The following CRYBG1 variants were observed in gnomAD, a reference collection of about 807,000 sequenced individuals.
CRYBG1 encodes the protein crystallin beta-gamma domain containing 1.
CRYBG1 carries 139 observed loss-of-function variants against 189.2 expected under a neutral mutation model. The ratio of observed to expected loss-of-function variants is 0.73; its 90% CI spans 0.64 to 0.85. CRYBG1 has a LOEUF of 0.85. Ranked by LOEUF, CRYBG1 falls within the 40% of genes least tolerant of loss-of-function variation. The pLI is 0.00. For synonymous variants in CRYBG1, 1,023 were observed against 1,017.1 expected (o/e 1.01, Z -0.11); for missense variants, 2,611 against 2,675.8 (o/e 0.98, Z 0.53).
chr6:106,561,249 T>C lies in CRYBG1; in HGVS notation c.5980-93T>C. ...GAGTATGGTAATTACCCTTAATCCATATCTCACTTTGGATTCTTCCTGATA... is the reference window on the plus strand; with the variant it reads ...GAGTATGGTAATTACCCTTAATCCACATCTCACTTTGGATTCTTCCTGATA... On this transcript the variant is annotated intron_variant, in intron 19 of 21. Transcript: ENST00000633556. 3.0e-6 allele frequency: 4 copies of C among 1,334,308 alleles called. No homozygotes were observed. In the Admixed American group the frequency reaches 8.1e-5, roughly 27 times the overall value. 82.7% of individuals were successfully genotyped at this position (1,334,308 alleles called of 1,614,324 possible). A position where few individuals can be genotyped will look rare whatever the true frequency, so the allele number is the denominator to read the frequency against.
chr6:106,565,030 G>T (rs115132229), intron 21 of CRYBG1, among the ~76,000 whole-genome samples: 2 of 152,142 alleles, frequency 1.3e-5, no homozygotes, highest in Non-Finnish European at 2.9e-5. Context: ...TATGATGTAG[G>T]GGTAAAGAGC....
chr6:106,568,469 T>G lies in CRYBG1; in HGVS notation c.6302-3T>G. On this transcript the variant is annotated splice_polypyrimidine_tract_variant and splice_region_variant and intron_variant, in intron 21 of 21. Coordinates refer to ENST00000633556, the MANE Select transcript of CRYBG1 (RefSeq NM_001371242.2). ...CATCTTTTATTATTTTCCTTTCTTT[T>G]AGGGGGCACACAGTATGATCAAAAT... The G allele has an allele frequency of 6.2e-7, 1 of 1,610,564 alleles. No individual in the cohort carries two copies. Among genetic ancestry groups the G allele is most frequent in the East Asian group, 2.2e-5 (1 of 44,872 alleles).
chr6:106,447,576 A>ATATAT (rs1582767774), intron 1 of CRYBG1, among the ~76,000 whole-genome samples: 5 of 145,648 alleles, frequency 3.4e-5, no homozygotes, highest in East Asian at 2.0e-4. Flanking sequence ...ATATATATCT[A>ATATAT]CTATGTACCC....
intron 2 of CRYBG1, among the ~76,000 whole-genome samples, chr6:106,483,247 T>C (rs1772508186): frequency 6.6e-6 from 1 of 151,936 alleles, no homozygotes; most frequent in African/African-American, 2.4e-5. Flanking sequence ...GGTCATGTGA[T>C]ATTTGTCCTG....
At chr6:106,447,038 C>A (rs1210481639) in intron 1 of CRYBG1, among the ~76,000 whole-genome samples, 1 of 152,162 alleles carries the variant, frequency 6.6e-6, no homozygotes, top group East Asian at 1.9e-4. Flanking sequence ...AACTTTCACT[C>A]TGGCAGTATA....
At chr6:106,478,696 C>T (rs1166511607) in intron 2 of CRYBG1, among the ~76,000 whole-genome samples, 1 of 152,250 alleles carries the variant, frequency 6.6e-6, no homozygotes, top group East Asian at 1.9e-4. Flanking sequence ...GGCTGCACAG[C>T]AGGAGGTGAG....
At chr6:106,500,973 G>C (rs1053187067) in intron 2 of CRYBG1, among the ~76,000 whole-genome samples, 1 of 152,144 alleles carries the variant, frequency 6.6e-6, no homozygotes, top group East Asian at 1.9e-4. Context: ...ATACACTGTT[G>C]TCTGACTCTT....
chr6:106,405,428 C>A (rs1770802806), intron 1 of CRYBG1, among the ~76,000 whole-genome samples: 1 of 152,214 alleles, frequency 6.6e-6, no homozygotes, highest in South Asian at 2.1e-4. Context: ...GGACAGAGCA[C>A]TTGGGGGAAG....
chr6:106,395,135 C>T (rs574496881), intron 1 of CRYBG1, among the ~76,000 whole-genome samples: 2 of 151,730 alleles, frequency 1.3e-5, no homozygotes, highest in African/African-American at 4.8e-5. Context: ...TGGCTCATGC[C>T]TGTAATCCCA....
chr6:106,557,768 A>T (rs1016341955), intron 17 of CRYBG1, among the ~76,000 whole-genome samples: 1 of 152,212 alleles, frequency 6.6e-6, no homozygotes, highest in Non-Finnish European at 1.5e-5. Flanking sequence ...TTATGATCTT[A>T]GCAGTACTAT....
intron 2 of CRYBG1, among the ~76,000 whole-genome samples, chr6:106,500,967 A>G (rs531270878): frequency 7.9e-5 from 12 of 152,246 alleles, no homozygotes; most frequent in African/African-American, 2.9e-4. Flanking sequence ...TCCATGATAC[A>G]CTGTTGTCTG....
At chr6:106,372,955 A>G (rs542052168) in intron 1 of CRYBG1, among the ~76,000 whole-genome samples, 1 of 152,300 alleles carries the variant, frequency 6.6e-6, no homozygotes, top group South Asian at 2.1e-4. Flanking sequence ...ACCTCAAAAT[A>G]TTTTCACCAC....
At chr6:106,403,248 G>A (rs1023334231) in intron 1 of CRYBG1, among the ~76,000 whole-genome samples, 1 of 152,148 alleles carries the variant, frequency 6.6e-6, no homozygotes, top group African/African-American at 2.4e-5. Flanking sequence ...GAGGTGGGAG[G>A]ATTACTTGAG....
At chr6:106,439,789 G>A (rs1036521285) in intron 1 of CRYBG1, among the ~76,000 whole-genome samples, 1 of 151,784 alleles carries the variant, frequency 6.6e-6, no homozygotes, top group Non-Finnish European at 1.5e-5. Context: ...TATAGAGACA[G>A]AAGGTGATAT....
intron 7 of CRYBG1, 99 bp downstream of exon 7, chr6:106,527,569 CAT>C: frequency 7.2e-6 from 9 of 1,249,570 alleles, no homozygotes; most frequent in Non-Finnish European, 1.0e-5. Context: ...GATTGGGAAA[CAT>C]ATTTGGTGCC....
At position 106,543,600 on chromosome 6, in the gene CRYBG1, A is replaced by G; in HGVS notation, c.5039+3A>G. On this transcript the variant is annotated splice_donor_region_variant and intron_variant, in intron 11 of 21. Coordinates refer to ENST00000633556, the MANE Select transcript of CRYBG1 (RefSeq NM_001371242.2). ...TCTATGAAAGTTCTAAGAGGCATGT[A>G]AGTACATGGGTGACTTGTTAGGATT... 6.2e-7 allele frequency: 1 copy of G among 1,613,118 alleles called. No individual in the cohort carries two copies. The highest frequency in any genetic ancestry group is 8.5e-7 in the Non-Finnish European group (1 of 1,179,526).
At chr6:106,543,650 A>T (rs1774192560) in intron 11 of CRYBG1, 53 bp downstream of exon 11, 1 of 1,564,640 alleles carries the variant, frequency 6.4e-7, no homozygotes, top group Non-Finnish European at 8.7e-7. Flanking sequence ...AATATTAAGT[A>T]ATAAATGTGC....
chr6:106,525,181 G>A lies in CRYBG1; in HGVS notation c.4293+1G>A, dbSNP rs1428533694. ...TAAACTCAATCCCCGACCTGGAAAG[G>A]TAAGATTATTTTCTGTTTCTAGTCT... On this transcript the variant is annotated splice_donor_variant, in intron 5 of 21. Transcript: ENST00000633556. LOFTEE classifies it high-confidence loss of function. 1.9e-6 allele frequency: 3 copies of A among 1,614,058 alleles called. No individual in the cohort carries two copies. Among genetic ancestry groups the A allele is most frequent in the Admixed American group, 3.3e-5 (2 of 60,026 alleles).
In CRYBG1 at chr6:106,534,837, G is replaced by C. The variant is rs13202166; in HGVS notation, c.4718+4522G>C. Among the ~76,000 whole-genome samples the C allele has an allele frequency of 9.2e-5, 14 of 151,964 alleles. No individual in the cohort carries two copies. In the South Asian group the frequency reaches 2.5e-3, roughly 27 times the overall value. ...GCGGGGTGTGTGTAGGGGTGGAAGT[G>C]GGGGGTGGTATATTTATGACGAACA... On this transcript the variant is annotated intron_variant, in intron 8 of 21. Coordinates refer to ENST00000633556, the MANE Select transcript of CRYBG1 (RefSeq NM_001371242.2).
Sources: allele counts gnomAD v4.1 joint callset (sites outside exome capture counted in the v4.1 genomes callset), GRCh38; gene constraint gnomAD v4.1.1; transcripts MANE v1.5; gene names NCBI Gene and HGNC (gene_info 2026-07-23, HGNC 2026-07-21).